SRBD1: variants seen among roughly 807,000 people sequenced by gnomAD.
SRBD1 encodes S1 RNA binding domain 1.
A neutral mutation model predicts 115.3 loss-of-function variants in SRBD1; 88 were observed. The observed-to-expected ratio is 0.76, with a 90% CI of 0.64 to 0.91. The LOEUF (loss-of-function observed/expected upper bound fraction) is 0.91. Ranked by LOEUF, SRBD1 falls within the 40% of genes least tolerant of loss-of-function variation. The pLI, the probability that SRBD1 is intolerant of heterozygous loss-of-function variation, is 0.00. For synonymous variants in SRBD1, 509 were observed against 407.7 expected, an observed-to-expected ratio of 1.25 and a Z score of -2.99; for missense variants, 1,385 against 1,177.4, an observed-to-expected ratio of 1.18 and a Z score of -2.58.
chr2:45,458,811 T>C (rs1247186812), intron 16 of SRBD1, among the ~76,000 whole-genome samples: 1 of 152,152 alleles, frequency 6.6e-6, no homozygotes, highest in Non-Finnish European at 1.5e-5. Context: ...CTTCAGGTAT[T>C]TTATTACAAC....
intron 18 of SRBD1, among the ~76,000 whole-genome samples, chr2:45,416,968 G>A (rs374333864): frequency 3.3e-5 from 5 of 152,036 alleles, no homozygotes; most frequent in East Asian, 1.9e-4. Context: ...TAGTAGAGAC[G>A]GGGTTTCACC....
intron 12 of SRBD1, 21 bp downstream of exon 12, chr2:45,551,104 G>GA (rs776248527): frequency 6.4e-7 from 1 of 1,571,592 alleles, no homozygotes; most frequent in South Asian, 1.2e-5. Context: ...CTTTTACATG[G>GA]AAAATTGCAA....
chr2:45,456,920 A>G (rs2103760634), intron 16 of SRBD1, among the ~76,000 whole-genome samples: 2 of 152,058 alleles, frequency 1.3e-5, no homozygotes, highest in African/African-American at 4.8e-5. Context: ...ATGGTATGTA[A>G]TGGAAAGCAG....
chr2:45,599,787 T>C lies in SRBD1; in HGVS notation c.310A>G (p.Lys104Glu). 6.2e-7 allele frequency: 1 copy of C among 1,614,024 alleles called. No homozygotes were observed. The highest frequency in any genetic ancestry group is 2.2e-5 in the East Asian group (1 of 44,886). ...TTCAGAGTCTGTACAGTATCCAATT[T>C]ATTTTTTCTGTCTTCTAAAGCAGTA... is the stretch of plus-strand genomic sequence containing the variant. ...ADTALEDRKNKLDTVQTLKTA... is the reference protein window; with the variant it reads ...ADTALEDRKNELDTVQTLKTA... Residue 104 changes from lysine (K) to glutamate (E), a missense_variant, in exon 4 of 21, where the codon AAA (lysine) becomes GAA (glutamate). Transcript: ENST00000263736.
intron 15 of SRBD1, among the ~76,000 whole-genome samples, chr2:45,485,041 C>T (rs1172302143): frequency 6.6e-6 from 1 of 152,150 alleles, no homozygotes; most frequent in African/African-American, 2.4e-5. Context: ...GCTATAAGCA[C>T]TTGTGTACAA....
chr2:45,543,649 A>AT (rs3835992), intron 14 of SRBD1, among the ~76,000 whole-genome samples: 64,764 of 152,042 alleles, frequency 0.43, 14,452 homozygotes, highest in Non-Finnish European at 0.5. Context: ...GGCACTTTGA[A>AT]TTGGCAAAAT....
chr2:45,414,651 T>A (rs1369650522), intron 18 of SRBD1, among the ~76,000 whole-genome samples: 2 of 150,792 alleles, frequency 1.3e-5, no homozygotes, highest in South Asian at 4.2e-4. Context: ...GTATATAGTA[T>A]GCACATACAC....
rs575246624 is a variant in SRBD1 at position 45,414,968 on chromosome 2, T to C, written c.2334-1675A>G. 3.2e-4 allele frequency among the ~76,000 whole-genome samples: 38 copies of C among 118,272 alleles called. 10 individuals carry two copies. The highest frequency in any genetic ancestry group is 2.9e-3 in the South Asian group (10 of 3,450). 77.6% of individuals were successfully genotyped at this position (118,272 alleles called of 152,430 possible). On this transcript the variant is annotated intron_variant, in intron 18 of 20. Coordinates refer to ENST00000263736, the MANE Select transcript of SRBD1 (RefSeq NM_018079.5). ...AGTATGTACATACACACACATATAG[T>C]GTGTATATAGTATGTATATACACAC...
intron 14 of SRBD1, among the ~76,000 whole-genome samples, chr2:45,537,186 A>C (rs1007601628): frequency 1.3e-5 from 2 of 152,218 alleles, no homozygotes; most frequent in Non-Finnish European, 2.9e-5. Context: ...AGTATGGATA[A>C]AGGAGGACAC....
intron 14 of SRBD1, among the ~76,000 whole-genome samples, chr2:45,498,912 T>C (rs913892399): frequency 5.3e-5 from 8 of 152,344 alleles, no homozygotes; most frequent in African/African-American, 1.7e-4. Context: ...GACACTTAGA[T>C]TGATTCCATA....
intron 14 of SRBD1, among the ~76,000 whole-genome samples, chr2:45,524,376 T>C (rs970298492): frequency 2.0e-5 from 3 of 152,038 alleles, no homozygotes; most frequent in African/African-American, 7.2e-5. Flanking sequence ...TATTCACAGA[T>C]AACATTATTT....
chr2:45,476,773 ACAGT>A (rs1359541320), intron 16 of SRBD1, among the ~76,000 whole-genome samples: 1 of 152,218 alleles, frequency 6.6e-6, no homozygotes, highest in East Asian at 1.9e-4. Context: ...CAATCTGACC[ACAGT>A]CAATTCTAAG....
At chr2:45,585,877 G>C in intron 4 of SRBD1, 103 bp from the exon 5 acceptor site, 2 of 873,864 alleles carry the variant, frequency 2.3e-6, no homozygotes, top group African/African-American at 3.7e-5. Context: ...CAGTGACTTA[G>C]AAACTACTTG....
At chr2:45,524,242 AGATGAG>A (rs1558453540) in intron 14 of SRBD1, among the ~76,000 whole-genome samples, 3 of 152,050 alleles carry the variant, frequency 2.0e-5, no homozygotes, top group Admixed American at 6.5e-5. Context: ...AACAGGAACA[AGATGAG>A]AATGTCTGCT....
chr2:45,507,382 T>C (rs1485344421), intron 14 of SRBD1, among the ~76,000 whole-genome samples: 6 of 152,082 alleles, frequency 3.9e-5, no homozygotes, highest in Non-Finnish European at 8.8e-5. Context: ...CACAAAAGAC[T>C]ATGCTTATCA....
chr2:45,412,528 A>T lies in SRBD1; in HGVS notation c.2513+586T>A, dbSNP rs958290082. ...GTCATACAATTCAGTAAGAATCTTT[A>T]AAAAATGTCGTTATGTAGCAAGTCA... On this transcript the variant is annotated intron_variant, in intron 19 of 20. Coordinates refer to ENST00000263736, the MANE Select transcript of SRBD1 (RefSeq NM_018079.5). Among the ~76,000 whole-genome samples, 6 of 152,312 alleles carry T rather than the reference A, an allele frequency of 3.9e-5. No individual in the cohort carries two copies. In the East Asian group the frequency reaches 5.8e-4, roughly 15 times the overall value.
chr2:45,567,884 A>G (rs1162313609), intron 9 of SRBD1: 1 of 152,216 alleles, frequency 6.6e-6, no homozygotes, highest in Non-Finnish European at 1.5e-5. Flanking sequence ...ACATTATTGG[A>G]GGTTTTTTGC....
intron 1 of SRBD1, among the ~76,000 whole-genome samples, chr2:45,608,411 T>C (rs1012562859): frequency 2.6e-5 from 4 of 152,196 alleles, no homozygotes; most frequent in Non-Finnish European, 5.9e-5. Context: ...ATTATGTCTT[T>C]AAAACTACCT....
rs1353723381 is a variant in SRBD1, at chr2:45,389,615, AGT to A, written c.2699-18_2699-17del. 1 of 1,607,764 alleles carries A rather than the reference AGT, an allele frequency of 6.2e-7. No individual in the cohort carries two copies. Among genetic ancestry groups the A allele is most frequent in the South Asian group, 1.1e-5 (1 of 90,304 alleles). On this transcript the variant is annotated splice_polypyrimidine_tract_variant and intron_variant, in intron 20 of 20. Transcript: ENST00000263736. Reference sequence around the variant, plus strand: ...TTATCAAAATCTGTAAGAGAAAAAAAGTAAGTGTAAATAAGGCATTGTACTTC... The same window carrying A: ...TTATCAAAATCTGTAAGAGAAAAAAAAAGTGTAAATAAGGCATTGTACTTC...
Sources: allele counts gnomAD v4.1 joint callset (sites outside exome capture counted in the v4.1 genomes callset), GRCh38; gene constraint gnomAD v4.1.1; transcripts MANE v1.5; gene names NCBI Gene and HGNC (gene_info 2026-07-23, HGNC 2026-07-21).